Variants in SEC16A observed in about 807,000 individuals in gnomAD.
SEC16A encodes protein transport protein Sec16A.
A neutral mutation model predicts 221.9 loss-of-function variants in SEC16A; 110 were observed. The observed-to-expected ratio is 0.50, with a 90% CI of 0.42 to 0.58. SEC16A has a LOEUF of 0.58. Among genes scored for constraint, SEC16A ranks in the 20% least tolerant of loss-of-function variants. The pLI is 0.00. For missense variants in SEC16A, 3,165 were observed against 3,097.8 expected (o/e 1.02, Z -0.52); for synonymous variants, 1,393 against 1,257.7 (o/e 1.11, Z -2.28).
Position 136,476,236 on chromosome 9 carries a change from C to G in SEC16A, c.1380G>C (p.Glu460Asp). ...CTTGATTCTGAACAAATTCTAAGTT[C>G]TCAACATTCTCATACTGCGAGCCGC... The part of the protein sequence containing the change: ...DASGSQYENV[E>D]NLEFVQNQEV... Residue 460 changes from glutamate (E) to aspartate (D), a missense_variant, in exon 3 of 32, where the codon GAG becomes GAC. By Grantham distance (45) the Glu-to-Asp change is conservative. Coordinates refer to ENST00000684901, the MANE Select transcript of SEC16A (RefSeq NM_014866.2). The G allele has an allele frequency of 1.2e-6, 2 of 1,613,634 alleles. No individual in the cohort carries two copies. Among genetic ancestry groups the G allele is most frequent in the East Asian group, 4.5e-5 (2 of 44,880 alleles).
At position 136,468,543 on chromosome 9, in the gene SEC16A, A is replaced by G. The variant is rs530523197; in HGVS notation, c.3705-31T>C. 1.8e-5 allele frequency: 25 copies of G among 1,359,002 alleles called. No homozygotes were observed. The Admixed American group carries it at 3.7e-4, about 20-fold the overall frequency. 84.2% of individuals were successfully genotyped at this position (1,359,002 alleles called of 1,614,324 possible). On this transcript the variant is annotated intron_variant, in intron 4 of 31. Coordinates refer to ENST00000684901, the MANE Select transcript of SEC16A (RefSeq NM_014866.2). ...AAAACACACAGTGCTGTTAAAACAC[A>G]AATTACCTATTTCTTAAAGTGTGAC...
chr9:136,465,444 C>T (rs1840013985), intron 8 of SEC16A, among the ~76,000 whole-genome samples: 1 of 152,208 alleles, frequency 6.6e-6, no homozygotes, highest in South Asian at 2.1e-4. Flanking sequence ...GAGTGAGACT[C>T]CATCTCAAAA....
chr9:136,457,365 C>T, intron 18 of SEC16A, 79 bp downstream of exon 18: 1 of 1,486,138 alleles, frequency 6.7e-7, no homozygotes, highest in East Asian at 2.5e-5. Context: ...CATCGCTACC[C>T]CCATGCCCGG....
chr9:136,463,378 C>G, intron 11 of SEC16A, 85 bp downstream of exon 11: 1 of 1,542,884 alleles, frequency 6.5e-7, no homozygotes, highest in Non-Finnish European at 8.8e-7. Context: ...GCGGATCCCG[C>G]CCTGCTCCTT....
rs1277578220 is a variant in SEC16A at position 136,466,979 on chromosome 9, C to G, written c.3907G>C (p.Glu1303Gln). The G allele has an allele frequency of 6.8e-6, 11 of 1,613,616 alleles. No individual in the cohort carries two copies. The highest frequency in any genetic ancestry group is 1.7e-5 in the Admixed American group (1 of 59,974). ...AACCTGTCCCCGAAGGCAGAGTGCT[C>G]TCTCCTGTATGCGTCATACTCTGCA... ...CDAEYDAYRR[E>Q]HSAFGDRPEK... Residue 1303 changes from glutamate (E) to glutamine (Q), a missense_variant, in exon 6 of 32, where the codon GAG becomes CAG. This residue lies in a region of SEC16A where 2,030 missense variants were observed against 1,923.1 expected (regional missense o/e 1.06). Transcript: ENST00000684901. This position sits in a 1 kb window ranked among gnomAD's most constrained non-coding sequence, Gnocchi z 5.5.
At position 136,474,724 on chromosome 9, in the gene SEC16A, C is replaced by T. The variant is rs372851163; in HGVS notation, c.2892G>A (p.Val964=). The change falls in exon 3 of 32, where the codon GTG becomes GTA. Residue 964 remains valine, a synonymous_variant. Transcript: ENST00000684901. ...TGCCGTGTGCAGGTGGAACTAACAC[C>T]ACACTTGTGCTTCCAGCAGGGCTAT... ...FANSPAGSTS[V]VLVPPAHGTL... 13 of 1,613,762 alleles carry T rather than the reference C, an allele frequency of 8.1e-6. No homozygotes were observed. The African/African-American group carries it at 1.7e-4, about 22-fold the overall frequency.
intron 31 of SEC16A, among the ~76,000 whole-genome samples, chr9:136,443,376 G>A (rs1836481197): frequency 6.6e-6 from 1 of 152,180 alleles, no homozygotes; most frequent in African/African-American, 2.4e-5. Flanking sequence ...CACCCAGTAG[G>A]TGTGCAACTT....
chr9:136,452,581 A>G (rs1837990189), intron 22 of SEC16A, among the ~76,000 whole-genome samples: 1 of 150,718 alleles, frequency 6.6e-6, no homozygotes, highest in South Asian at 2.1e-4. Flanking sequence ...CCTGGCCAAC[A>G]TGGCGAAACC....
At chr9:136,483,898 G>C (rs527877816), upstream of SEC16A, 5 of 726,868 alleles carry the variant, frequency 6.9e-6, no homozygotes, top group African/African-American at 7.7e-5. Context: ...CGCGGGCACC[G>C]AGCGGCGCCG....
intron 1 of SEC16A, among the ~76,000 whole-genome samples, chr9:136,481,196 G>C (rs1842298069): frequency 6.9e-6 from 1 of 144,016 alleles, no homozygotes; most frequent in Non-Finnish European, 1.5e-5. Context: ...GTGCAGTGGC[G>C]CGATCTCGGC....
chr9:136,460,681 G>C (rs1839357457), intron 13 of SEC16A, among the ~76,000 whole-genome samples: 1 of 151,784 alleles, frequency 6.6e-6, no homozygotes, highest in Non-Finnish European at 1.5e-5. Flanking sequence ...GAAGGCCAAG[G>C]CGGGCAGATC....
At chr9:136,472,832 T>C (rs565305158) in intron 3 of SEC16A, among the ~76,000 whole-genome samples, 21 of 152,244 alleles carry the variant, frequency 1.4e-4, no homozygotes, top group African/African-American at 3.9e-4. Flanking sequence ...CAAAACAGAC[T>C]CATCCTTGGC....
intron 23 of SEC16A, 141 bp from the exon 24 acceptor site, chr9:136,448,302 G>A (rs1564459861): frequency 2.7e-6 from 2 of 743,562 alleles, no homozygotes; most frequent in East Asian, 2.7e-5. Context: ...GAGAATGGAG[G>A]TGGGAGCAGA....
intron 23 of SEC16A, chr9:136,448,433 G>A (rs889518178): frequency 7.1e-6 from 5 of 704,860 alleles, no homozygotes; most frequent in Non-Finnish European, 1.3e-5. Context: ...GATCCACAGA[G>A]ACACCAGGAG....
chr9:136,483,823 G>T, upstream of SEC16A: 5 of 984,478 alleles, frequency 5.1e-6, no homozygotes, highest in Non-Finnish European at 6.0e-6. Flanking sequence ...GCCGGGAGCG[G>T]CCGGAGCTGC....
intron 20 of SEC16A, among the ~76,000 whole-genome samples, chr9:136,454,789 T>C (rs1029814236): frequency 6.6e-6 from 1 of 152,138 alleles, no homozygotes; most frequent in Non-Finnish European, 1.5e-5. Flanking sequence ...TGGGTCCTCA[T>C]GGGGGTCGGG....
intron 23 of SEC16A, among the ~76,000 whole-genome samples, chr9:136,449,587 C>T (rs561284237): frequency 1.3e-5 from 2 of 152,330 alleles, no homozygotes; most frequent in South Asian, 2.1e-4. Context: ...CTGCTGCGCC[C>T]GGCCTCCCAG....
chr9:136,443,652 C>T (rs1836519966), intron 31 of SEC16A, among the ~76,000 whole-genome samples, 171 bp downstream of exon 31: 1 of 152,188 alleles, frequency 6.6e-6, no homozygotes, highest in African/African-American at 2.4e-5. Flanking sequence ...CGCACCACTG[C>T]ACTCCAGCCT....
Position 136,443,864 on chromosome 9 carries a change from T to C in SEC16A, c.6964A>G (p.Ser2322Gly). The C allele has an allele frequency of 1.2e-6, 2 of 1,611,662 alleles. No individual in the cohort carries two copies. The highest frequency in any genetic ancestry group is 1.7e-6 in the Non-Finnish European group (2 of 1,178,970). The change falls in exon 31 of 32, where the codon AGC (serine) becomes GGC (glycine). Residue 2322 changes from serine (S) to glycine (G), a missense_variant. This residue lies in a region of SEC16A where 1,088 missense variants were observed against 1,089.6 expected (regional missense o/e 1.00). Transcript: ENST00000684901. Reference protein sequence around the residue: ...GDLPAAGGPPSGAMPFYNPAQ... With the variant: ...GDLPAAGGPPGGAMPFYNPAQ... ...GGGTTGTAGAAGGGCATGGCCCCGCTGGGAGGGCCCCCTGCAGCAGGGAGG... is the reference window on the plus strand; with the variant it reads ...GGGTTGTAGAAGGGCATGGCCCCGCCGGGAGGGCCCCCTGCAGCAGGGAGG...
Sources: gnomAD v4.1 joint callset for allele counts (sites outside exome capture counted in the v4.1 genomes callset) on GRCh38, gnomAD v4.1.1 for gene constraint, gnomAD v4.1.1 regional missense constraint, Gnocchi (gnomAD v3.1) non-coding constraint, MANE v1.5 for transcripts, NCBI Gene and HGNC (gene_info 2026-07-23, HGNC 2026-07-21) for gene names.